Variants in ITGAE observed in about 807,000 individuals in gnomAD.
ITGAE encodes integrin alpha-E.
ITGAE carries 99 observed loss-of-function variants against 136.5 expected under a neutral mutation model. The ratio of observed to expected loss-of-function variants is 0.73; its 90% confidence interval spans 0.62 to 0.86. ITGAE has a LOEUF of 0.86. Among genes scored for constraint, ITGAE ranks in the 40% least tolerant of loss-of-function variants. The pLI is 0.00. For synonymous variants in ITGAE, 613 were observed against 591.8 expected, an observed-to-expected ratio of 1.04 and a Z score of -0.52; for missense variants, 1,447 against 1,515.3, an observed-to-expected ratio of 0.95 and a Z score of 0.75.
intron 1 of ITGAE, among the ~76,000 whole-genome samples, chr17:3,782,824 T>A (rs1381727212): frequency 6.6e-6 from 1 of 152,184 alleles, no homozygotes; most frequent in Non-Finnish European, 1.5e-5. Context: ...CGTCTCTAAA[T>A]ACACTGAGTA....
At chr17:3,752,785 T>C (rs949968211) in intron 14 of ITGAE, among the ~76,000 whole-genome samples, 8 of 146,832 alleles carry the variant, frequency 5.4e-5, no homozygotes, top group Admixed American at 5.4e-4. Flanking sequence ...CGAGGTGGCT[T>C]ACGCCTGTAA....
chr17:3,747,845 T>C, intron 17 of ITGAE, 77 bp downstream of exon 17: 4 of 242,584 alleles, frequency 1.6e-5, no homozygotes, highest in South Asian at 4.5e-5. Context: ...GCCCCAGTCC[T>C]CTTTCCCTGC....
chr17:3,724,029 G>A (rs2051137738), intron 26 of ITGAE: 15 of 1,592,098 alleles, frequency 9.4e-6, no homozygotes, highest in Non-Finnish European at 1.3e-5. Context: ...CCGGGAAGCC[G>A]CGCAGTGGTT....
In ITGAE at chr17:3,763,910, C is replaced by T. The variant is rs778512415; in HGVS notation, c.206G>A (p.Arg69Gln). 8.7e-6 allele frequency: 14 copies of T among 1,613,688 alleles called. No homozygotes were observed. In the South Asian group the frequency reaches 1.1e-4, roughly 13 times the overall value. Residue 69 changes from arginine (R) to glutamine (Q), a missense_variant, in exon 3 of 31, where the codon CGA becomes CAA. Physicochemically the swap from Arg to Gln is conservative, Grantham distance 43. This residue lies in a region of ITGAE where 106 missense variants were observed against 87.8 expected (regional missense o/e 1.21). Coordinates refer to ENST00000263087, the MANE Select transcript of ITGAE (RefSeq NM_002208.5). ...GATTTCATCCTGGACAAGGGAACATCGATGGAGGGGCCCTGGTGTCCTCTT... is the reference window on the plus strand; with the variant it reads ...GATTTCATCCTGGACAAGGGAACATTGATGGAGGGGCCCTGGTGTCCTCTT... ...RTKRTPGPLH[R>Q]CSLVQDEILC...
intron 1 of ITGAE, among the ~76,000 whole-genome samples, chr17:3,792,082 G>A (rs1471567124): frequency 6.6e-6 from 1 of 152,138 alleles, no homozygotes; most frequent in Admixed American, 6.6e-5. Context: ...ATTTCCCTGA[G>A]TCTGGCACAA....
intron 19 of ITGAE, among the ~76,000 whole-genome samples, chr17:3,742,018 A>G (rs1343513656): frequency 6.6e-6 from 1 of 152,244 alleles, no homozygotes; most frequent in Non-Finnish European, 1.5e-5. Context: ...CAGAGGTTGC[A>G]GTGAGCCGAG....
chr17:3,765,622 C>T (rs1414107502), intron 2 of ITGAE, among the ~76,000 whole-genome samples: 1 of 152,156 alleles, frequency 6.6e-6, no homozygotes, highest in Admixed American at 6.6e-5. Flanking sequence ...TGAAGGTCAC[C>T]AGGGGCCCCC....
intron 1 of ITGAE, among the ~76,000 whole-genome samples, chr17:3,778,557 C>T (rs1193037661): frequency 6.7e-6 from 1 of 148,558 alleles, no homozygotes; most frequent in African/African-American, 2.6e-5. Flanking sequence ...AGCAAGACTC[C>T]GTCTCAAAAC....
At position 3,747,930 on chromosome 17, in the gene ITGAE, G is replaced by C. The variant is rs566907947; in HGVS notation, c.2147C>G (p.Ser716Cys). 7.3e-5 allele frequency: 117 copies of C among 1,606,340 alleles called. No individual in the cohort carries two copies. The South Asian group carries it at 1.1e-3, about 15-fold the overall frequency. ...CFEISSVTTASESGLREALLN... is the reference protein window; with the variant it reads ...CFEISSVTTACESGLREALLN... Reference sequence around the variant, plus strand: ...CTGGACCATTTTTTTACCTGACTCAGAGGCTGTGGTTACAGAGCTGATTTC... The same window carrying C: ...CTGGACCATTTTTTTACCTGACTCACAGGCTGTGGTTACAGAGCTGATTTC... The change falls in exon 17 of 31, where the codon TCT becomes TGT. Residue 716 changes from serine (S) to cysteine (C), a missense_variant. Physicochemically the swap from Ser to Cys is moderately radical, Grantham distance 112 (BLOSUM62 -1). Coordinates refer to ENST00000263087, the MANE Select transcript of ITGAE (RefSeq NM_002208.5).
At chr17:3,797,172 T>C (rs866545860) in intron 1 of ITGAE, among the ~76,000 whole-genome samples, 19 of 133,162 alleles carry the variant, frequency 1.4e-4, no homozygotes, top group Non-Finnish European at 2.5e-4. Context: ...TTTTTTTTTT[T>C]TTTTTTTTTT....
intron 12 of ITGAE, chr17:3,754,631 C>T (rs1567534964): frequency 5.6e-6 from 1 of 179,522 alleles, no homozygotes; most frequent in Admixed American, 6.1e-5. Context: ...CTTGTACCTA[C>T]CCAGGAGGCT....
intron 20 of ITGAE, among the ~76,000 whole-genome samples, chr17:3,738,630 T>C (rs1458141798): frequency 6.6e-6 from 1 of 152,252 alleles, no homozygotes; most frequent in Non-Finnish European, 1.5e-5. Context: ...CCACTGAGTC[T>C]TTGAAGTGTG....
At chr17:3,727,449 G>C (rs1372265415) in intron 26 of ITGAE, among the ~76,000 whole-genome samples, 1 of 151,388 alleles carries the variant, frequency 6.6e-6, no homozygotes, top group Non-Finnish European at 1.5e-5. Flanking sequence ...TCCCAGGCTG[G>C]AGTGCAGTGG....
At chr17:3,796,925 C>T (rs1350409968) in intron 1 of ITGAE, among the ~76,000 whole-genome samples, 1 of 152,086 alleles carries the variant, frequency 6.6e-6, no homozygotes, top group Non-Finnish European at 1.5e-5. Context: ...CCCGACACCC[C>T]GCCCAGAACA....
intron 14 of ITGAE, 79 bp downstream of exon 14, chr17:3,753,211 C>T (rs538056097): frequency 1.3e-6 from 2 of 1,497,724 alleles, no homozygotes; most frequent in Non-Finnish European, 1.8e-6. Context: ...AGGGCCAGGG[C>T]ACTCCCAGCC....
At chr17:3,786,625 C>T (rs2052804386) in intron 1 of ITGAE, among the ~76,000 whole-genome samples, 1 of 152,154 alleles carries the variant, frequency 6.6e-6, no homozygotes, top group Non-Finnish European at 1.5e-5. Flanking sequence ...GGTGCAGTGG[C>T]TCATGCCTGT....
At chr17:3,788,694 A>ATTAAAAATAATAATTATTAAAATTAT (rs2052857932) in intron 1 of ITGAE, among the ~76,000 whole-genome samples, 4 of 60,826 alleles carry the variant, frequency 6.6e-5, no homozygotes, top group Middle Eastern at 7.9e-3. Flanking sequence ...AAAAGTCTAC[A>ATTAAAAATAATAATTATTAAAATTAT]TTAAAAATAA....
At chr17:3,717,059 CCTT>C (rs2050957140) in intron 29 of ITGAE, 1 of 367,220 alleles carries the variant, frequency 2.7e-6, no homozygotes, top group Non-Finnish European at 5.0e-6. Context: ...GAGATTATGA[CCTT>C]CTGTTAAAGA....
In ITGAE at chr17:3,798,027, C is replaced by T. The variant is rs530064064; in HGVS notation, c.34+3084G>A. On this transcript the variant is annotated intron_variant, in intron 1 of 30. Transcript: ENST00000263087. This position sits in a 1 kb window ranked among gnomAD's most constrained non-coding sequence, Gnocchi z 4.3. ...CTCACCACCTCCACCGTGGGCCTCT[C>T]GGGACTGGATGCCCGCATTCCTCCA... Among the ~76,000 whole-genome samples the T allele has an allele frequency of 2.4e-4, 36 of 152,292 alleles. No homozygotes were observed. The highest frequency in any genetic ancestry group is 3.9e-4 in the East Asian group (2 of 5,170).
Sources: gnomAD v4.1 joint callset for allele counts (sites outside exome capture counted in the v4.1 genomes callset) on GRCh38, gnomAD v4.1.1 for gene constraint, gnomAD v4.1.1 regional missense constraint, Gnocchi (gnomAD v3.1) non-coding constraint, MANE v1.5 for transcripts, NCBI Gene and HGNC (gene_info 2026-07-23, HGNC 2026-07-21) for gene names.